Variants in PHF24 observed in about 807,000 individuals in gnomAD.
PHF24 encodes the protein PHD finger protein 24.
Under a neutral mutation model 42.6 loss-of-function variants are expected in PHF24, and 25 were observed. The observed-to-expected ratio is 0.59, with a 90% CI of 0.43 to 0.82. The LOEUF (loss-of-function observed/expected upper bound fraction) is 0.82, where lower values mean the gene tolerates loss of function less well. PHF24 is among the 40% of genes least tolerant of loss of function. PHF24 has a pLI of 0.00. For missense variants in PHF24, 470 were observed against 538.1 expected (o/e 0.87, Z 1.25); for synonymous variants, 185 against 204.8 (o/e 0.90, Z 0.83).
At chr9:34,740,453 T>C in the PHF24 span, among the ~76,000 whole-genome samples, 1 of 152,224 alleles carries the variant, frequency 6.6e-6, no homozygotes, top group Non-Finnish European at 1.5e-5. Context: ...GGGGACCCAG[T>C]ACACCCTCCA....
the PHF24 span, among the ~76,000 whole-genome samples, chr9:34,732,137 C>T: frequency 5.3e-5 from 8 of 151,812 alleles, no homozygotes; most frequent in South Asian, 2.1e-4. Context: ...GTTGGGGTTA[C>T]AGGCGTGAGC....
upstream of PHF24, among the ~76,000 whole-genome samples, chr9:34,957,929 C>T (rs975531610): frequency 2.0e-5 from 3 of 151,734 alleles, no homozygotes; most frequent in Non-Finnish European, 2.9e-5. Context: ...CTGTCCTTGC[C>T]GCAGTCGGCC....
the PHF24 span, among the ~76,000 whole-genome samples, chr9:34,771,172 G>A: frequency 6.6e-6 from 1 of 152,178 alleles, no homozygotes; most frequent in Admixed American, 6.5e-5. Context: ...ACTTAGTGAC[G>A]AGGATACATT....
chr9:34,856,671 G>T, the PHF24 span, among the ~76,000 whole-genome samples: 2 of 152,182 alleles, frequency 1.3e-5, no homozygotes, highest in African/African-American at 4.8e-5. Context: ...TCCGTCCCAG[G>T]GGGGCACCAA....
the PHF24 span, among the ~76,000 whole-genome samples, chr9:34,948,852 A>G: frequency 1.3e-5 from 2 of 152,378 alleles, no homozygotes; most frequent in African/African-American, 4.8e-5. Flanking sequence ...AAAATATGAG[A>G]AAATACATAG....
At chr9:34,836,924 C>G in the PHF24 span, 2 of 321,418 alleles carry the variant, frequency 6.2e-6, no homozygotes, top group East Asian at 1.7e-4. Flanking sequence ...GCCTTTGCAA[C>G]CCTCTCAACT....
the PHF24 span, among the ~76,000 whole-genome samples, chr9:34,794,849 A>C: frequency 6.6e-6 from 1 of 152,146 alleles, no homozygotes; most frequent in African/African-American, 2.4e-5. Flanking sequence ...CAAAATGTCT[A>C]ACATGCATAC....
At chr9:34,765,272 G>A in the PHF24 span, among the ~76,000 whole-genome samples, 33 of 151,908 alleles carry the variant, frequency 2.2e-4, no homozygotes, top group South Asian at 4.0e-3. Context: ...TTTCTGTCCC[G>A]TTGATCTGTC....
At chr9:34,883,350 C>G in the PHF24 span, among the ~76,000 whole-genome samples, 1 of 152,138 alleles carries the variant, frequency 6.6e-6, no homozygotes, top group East Asian at 1.9e-4. Context: ...CAACAAAAGC[C>G]AAAATTGACA....
chr9:34,690,221 C>A, the PHF24 span: 2 of 1,614,154 alleles, frequency 1.2e-6, no homozygotes, highest in East Asian at 2.2e-5. Flanking sequence ...CTACAGCAGG[C>A]ACCCTGCAGC....
the PHF24 span, among the ~76,000 whole-genome samples, chr9:34,940,611 CTT>C: frequency 2.0e-5 from 3 of 152,120 alleles, no homozygotes; most frequent in African/African-American, 7.2e-5. Context: ...TAAGTTCCCT[CTT>C]TGTTATCTAT....
the PHF24 span, among the ~76,000 whole-genome samples, chr9:34,759,014 C>T: frequency 5.3e-5 from 8 of 152,242 alleles, no homozygotes; most frequent in Middle Eastern, 3.4e-3. Flanking sequence ...TGCACTCCAC[C>T]GCTCTCCCCT....
the PHF24 span, chr9:34,835,544 T>G: frequency 1.3e-6 from 2 of 1,551,706 alleles, no homozygotes; most frequent in Non-Finnish European, 1.7e-6. Flanking sequence ...GAAATTCAAG[T>G]GATGCTGGCC....
chr9:34,830,663 A>T, the PHF24 span, among the ~76,000 whole-genome samples: 2 of 152,118 alleles, frequency 1.3e-5, no homozygotes, highest in Admixed American at 1.3e-4. Flanking sequence ...TTGGGGTGGG[A>T]GGCTCGACCG....
the PHF24 span, among the ~76,000 whole-genome samples, chr9:34,872,461 G>A: frequency 6.7e-6 from 1 of 149,318 alleles, no homozygotes; most frequent in Admixed American, 6.7e-5. Flanking sequence ...GCGGTGTCTG[G>A]TTTTTTGTTC....
upstream of PHF24, among the ~76,000 whole-genome samples, chr9:34,955,250 T>C (rs1190554422): frequency 6.6e-6 from 1 of 151,734 alleles, no homozygotes; most frequent in Non-Finnish European, 1.5e-5. Flanking sequence ...CAAAAACTTA[T>C]GGTCATAAAT....
the PHF24 span, among the ~76,000 whole-genome samples, chr9:34,769,846 C>G: frequency 6.6e-6 from 1 of 152,112 alleles, no homozygotes; most frequent in East Asian, 1.9e-4. Context: ...GGACAACTGG[C>G]TTGCCTTCTT....
chr9:34,882,989 C>T, the PHF24 span, among the ~76,000 whole-genome samples: 1 of 152,160 alleles, frequency 6.6e-6, no homozygotes, highest in Non-Finnish European at 1.5e-5. Context: ...GTAACCAAAA[C>T]AGCATGATAC....
the PHF24 span, among the ~76,000 whole-genome samples, chr9:34,729,644 C>T: frequency 6.6e-6 from 1 of 152,108 alleles, no homozygotes; most frequent in African/African-American, 2.4e-5. Flanking sequence ...GTGTTTTGAG[C>T]CTGGGACTGA....
Sources: gnomAD v4.1 joint callset for allele counts (sites outside exome capture counted in the v4.1 genomes callset) on GRCh38, gnomAD v4.1.1 for gene constraint, MANE v1.5 for transcripts, NCBI Gene and HGNC (gene_info 2026-07-23, HGNC 2026-07-21) for gene names.